RB1: variants seen among roughly 807,000 people sequenced by gnomAD.
RB1 encodes the protein RB transcriptional corepressor 1.
RB1 carries 18 observed loss-of-function variants against 135.4 expected under a neutral mutation model. The ratio of observed to expected loss-of-function variants is 0.13; its 90% CI spans 0.09 to 0.20. The LOEUF is 0.20. Among genes scored for constraint, RB1 ranks in the 10% least tolerant of loss-of-function variants. The pLI is 1.00. For missense variants in RB1, 868 were observed against 1,110.0 expected, an observed-to-expected ratio of 0.78 and a Z score of 3.10; for synonymous variants, 365 against 373.2, an observed-to-expected ratio of 0.98 and a Z score of 0.25.
intron 17 of RB1, 136 bp downstream of exon 17, chr13:48,381,579 C>T: frequency 3.4e-6 from 3 of 879,986 alleles, no homozygotes; most frequent in Non-Finnish European, 5.4e-6. Flanking sequence ...CAGTCTATAG[C>T]CCAAGGATCA....
In RB1 at chr13:48,472,349, C is replaced by T. The variant is rs1949476201; in HGVS notation, c.2490-1011C>T. Among the ~76,000 whole-genome samples, 4 of 152,094 alleles carry T rather than the reference C, an allele frequency of 2.6e-5. No individual in the cohort carries two copies. In the South Asian group the frequency reaches 8.3e-4, roughly 32 times the overall value. ...AATAATTGGCAATATGATACAAATG[C>T]TCTCATGTGTCTCTGTATCATCCTT... is the stretch of plus-strand genomic sequence containing the variant. On this transcript the variant is annotated intron_variant, in intron 23 of 26. Coordinates refer to ENST00000267163, the MANE Select transcript of RB1 (RefSeq NM_000321.3).
At position 48,360,001 on chromosome 13, in the gene RB1, T is replaced by A. The variant is rs936403247; in HGVS notation, c.608-16T>A. On this transcript the variant is annotated splice_polypyrimidine_tract_variant and intron_variant, in intron 6 of 26. Transcript: ENST00000267163. ...GAATCTCTAACTTTCTTTAAAAATG[T>A]ACATTTTTTTTTCAGGGGAAGTATT... 31 of 1,610,910 alleles carry A rather than the reference T, an allele frequency of 1.9e-5. No individual in the cohort carries two copies. Among genetic ancestry groups the A allele is most frequent in the Non-Finnish European group, 2.5e-5 (30 of 1,178,872 alleles).
intron 2 of RB1, among the ~76,000 whole-genome samples, chr13:48,326,009 C>T (rs1487134395): frequency 6.6e-6 from 1 of 152,106 alleles, no homozygotes. Context: ...GTAACCTGCC[C>T]CTACTTCTCC....
intron 2 of RB1, among the ~76,000 whole-genome samples, chr13:48,337,967 G>A (rs958355220): frequency 2.0e-5 from 3 of 152,168 alleles, no homozygotes; most frequent in African/African-American, 7.2e-5. Context: ...ATGAAATTCT[G>A]GGTTGAAAAT....
chr13:48,343,537 A>G (rs4151448), intron 3 of RB1, among the ~76,000 whole-genome samples: 16,152 of 152,190 alleles, frequency 0.11, 2,444 homozygotes, highest in African/African-American at 0.33. Context: ...AATGACATAA[A>G]TAGTTCATAG....
At chr13:48,395,331 C>T (rs118056649) in intron 17 of RB1, among the ~76,000 whole-genome samples, 2,911 of 152,192 alleles carry the variant, frequency 0.019, 43 homozygotes, top group Middle Eastern at 0.054. Flanking sequence ...AAAACCAGAG[C>T]GCCTTTTCTC....
intron 17 of RB1, chr13:48,416,310 T>G (rs1948909002): frequency 6.6e-6 from 1 of 152,264 alleles, no homozygotes. Context: ...GGCATCGCCT[T>G]ACACGGGAAG....
chr13:48,401,784 T>G (rs1948694353), intron 17 of RB1, among the ~76,000 whole-genome samples: 2 of 152,152 alleles, frequency 1.3e-5, no homozygotes, highest in Non-Finnish European at 2.9e-5. Flanking sequence ...TTTCTTAGCC[T>G]TTTCAAAAAA....
At chr13:48,435,139 T>G (rs146498718) in intron 17 of RB1, among the ~76,000 whole-genome samples, 33 of 152,334 alleles carry the variant, frequency 2.2e-4, no homozygotes, top group Non-Finnish European at 3.7e-4. Context: ...ACTGCAAAAG[T>G]ATTTTCCAGA....
chr13:48,325,553 C>T (rs1404345119), intron 2 of RB1, among the ~76,000 whole-genome samples: 1 of 152,174 alleles, frequency 6.6e-6, no homozygotes, highest in Non-Finnish European at 1.5e-5. Context: ...ATTCCTTTCC[C>T]TAAGCCACCC....
chr13:48,398,040 C>T (rs1225224944), intron 17 of RB1, among the ~76,000 whole-genome samples: 1 of 152,170 alleles, frequency 6.6e-6, no homozygotes, highest in Non-Finnish European at 1.5e-5. Flanking sequence ...GATTAAGCCA[C>T]ATTTAACACT....
chr13:48,312,645 A>G (rs779875967), intron 2 of RB1, among the ~76,000 whole-genome samples: 6 of 152,170 alleles, frequency 3.9e-5, no homozygotes, highest in Non-Finnish European at 8.8e-5. Flanking sequence ...TTCAGTCTCA[A>G]GTTATCTTTT....
At chr13:48,333,796 T>C (rs1412562822) in intron 2 of RB1, among the ~76,000 whole-genome samples, 1 of 151,762 alleles carries the variant, frequency 6.6e-6, no homozygotes, top group Non-Finnish European at 1.5e-5. Context: ...TTTTTTTTTT[T>C]CCTTTTTAGA....
chr13:48,429,909 G>A (rs1949112510), intron 17 of RB1, among the ~76,000 whole-genome samples: 1 of 152,122 alleles, frequency 6.6e-6, no homozygotes, highest in Middle Eastern at 3.2e-3. Context: ...CTTTAATAAA[G>A]GCCATAAGAG....
At chr13:48,434,075 TTAAAA>T (rs1212883533) in intron 17 of RB1, among the ~76,000 whole-genome samples, 2 of 152,070 alleles carry the variant, frequency 1.3e-5, no homozygotes, top group African/African-American at 2.4e-5. Flanking sequence ...ATGTTGAGAA[TTAAAA>T]TAAATAATTT....
chr13:48,316,960 C>T, intron 2 of RB1: 1 of 380,784 alleles, frequency 2.6e-6, no homozygotes, highest in Non-Finnish European at 5.0e-6. Context: ...GTGCCCTGGT[C>T]CTGGTCGTCC....
At chr13:48,379,439 T>G (rs1475874401) in intron 13 of RB1, among the ~76,000 whole-genome samples, 155 bp from the exon 14 acceptor site, 1 of 151,748 alleles carries the variant, frequency 6.6e-6, no homozygotes, top group African/African-American at 2.4e-5. Flanking sequence ...AATCCCAGCC[T>G]CTTGGGAGGC....
At chr13:48,338,192 A>G (rs376953873) in intron 2 of RB1, among the ~76,000 whole-genome samples, 5 of 152,062 alleles carry the variant, frequency 3.3e-5, no homozygotes, top group Non-Finnish European at 5.9e-5. Context: ...TCTTTGTGGC[A>G]TTCTCTGTAT....
rs567414144 is a variant in RB1, at chr13:48,476,101, T to C, written c.2521-600T>C. On this transcript the variant is annotated intron_variant, in intron 24 of 26. Coordinates refer to ENST00000267163, the MANE Select transcript of RB1 (RefSeq NM_000321.3). The stretch of plus-strand genomic sequence containing the variant: ...TCAAAACCTGTTTTGAATTTAATAT[T>C]GGGAGAATTCGCTAGTTTAATTTTT... Among the ~76,000 whole-genome samples the C allele has an allele frequency of 2.6e-5, 4 of 152,214 alleles. No individual in the cohort carries two copies. In the South Asian group the frequency reaches 8.3e-4, roughly 32 times the overall value.
Sources: gnomAD v4.1 joint callset for allele counts (sites outside exome capture counted in the v4.1 genomes callset) on GRCh38, gnomAD v4.1.1 for gene constraint, MANE v1.5 for transcripts, NCBI Gene and HGNC (gene_info 2026-07-23, HGNC 2026-07-21) for gene names.